Variants in SH3TC2 observed in about 807,000 individuals in gnomAD.
SH3TC2 encodes the protein SH3 domain and tetratricopeptide repeat-containing protein 2.
Under a neutral mutation model 124.5 loss-of-function variants are expected in SH3TC2, and 87 were observed. The ratio of observed to expected loss-of-function variants is 0.70; its 90% CI spans 0.59 to 0.84. The LOEUF (loss-of-function observed/expected upper bound fraction) is 0.84, where lower values mean the gene tolerates loss of function less well. Ranked by LOEUF, SH3TC2 falls within the 40% of genes least tolerant of loss-of-function variation. SH3TC2 has a pLI of 0.00. For synonymous variants in SH3TC2, 634 were observed against 628.5 expected, an observed-to-expected ratio of 1.01 and a Z score of -0.13; for missense variants, 1,536 against 1,566.4, an observed-to-expected ratio of 0.98 and a Z score of 0.33.
rs200228716 is a variant in SH3TC2 at position 149,006,981 on chromosome 5, G to T, written c.3575C>A (p.Thr1192Asn). 2.5e-6 allele frequency: 4 copies of T among 1,614,154 alleles called. No homozygotes were observed. Among genetic ancestry groups the T allele is most frequent in the Middle Eastern group, 3.3e-4 (2 of 6,062 alleles). The change falls in exon 16 of 17, where the codon ACC becomes AAC. Residue 1192 changes from threonine (T) to asparagine (N), a missense_variant. Physicochemically the swap from Thr to Asn is moderately conservative, Grantham distance 65. This residue lies in a region of SH3TC2 where 426 missense variants were observed against 443.5 expected (regional missense o/e 0.96). Coordinates refer to ENST00000515425, the MANE Select transcript of SH3TC2 (RefSeq NM_024577.4). ...YEMAEDCYLKTLSLCPPWLQS... is the reference protein window; with the variant it reads ...YEMAEDCYLKNLSLCPPWLQS... ...CAGCCATGGTGGACAGAGGGACAGG[G>T]TCTTCAGGTAGCAGTCCTCAGCCAT...
chr5:149,044,677 AAGTGTCCCATTAGCAAGCTCTTATAT>A (rs754612028), intron 3 of SH3TC2, 39 bp from the exon 4 acceptor site: 92 of 1,513,218 alleles, frequency 6.1e-5, no homozygotes, highest in Non-Finnish European at 7.9e-5. Flanking sequence ...GGGATGACAG[AAGTGTCCCATTAGCAAGCTCTTATAT>A]AGACCAAATA....
chr5:149,045,224 AT>A (rs2127401633), intron 3 of SH3TC2: 1 of 152,776 alleles, frequency 6.5e-6, no homozygotes, highest in South Asian at 2.1e-4. Context: ...TATTTCACAT[AT>A]ATAGAATCAC....
chr5:149,055,848 G>A (rs534160667), intron 1 of SH3TC2, among the ~76,000 whole-genome samples: 7 of 152,252 alleles, frequency 4.6e-5, no homozygotes, highest in Admixed American at 6.5e-5. Flanking sequence ...TTGGGAGGCC[G>A]AGTCTAGAGG....
At chr5:149,047,780 G>T in intron 3 of SH3TC2, 82 bp downstream of exon 3, 1 of 1,579,330 alleles carries the variant, frequency 6.3e-7, no homozygotes, top group Non-Finnish European at 8.7e-7. Flanking sequence ...CTTTGTTCCA[G>T]ATGCTGTCTT....
At chr5:149,018,037 T>C (rs1753904301) in intron 12 of SH3TC2, among the ~76,000 whole-genome samples, 1 of 152,246 alleles carries the variant, frequency 6.6e-6, no homozygotes, top group African/African-American at 2.4e-5. Context: ...TATGATTCTT[T>C]ATTTGAAAAG....
chr5:149,055,821 C>A (rs1754636808), intron 1 of SH3TC2, among the ~76,000 whole-genome samples: 2 of 152,148 alleles, frequency 1.3e-5, no homozygotes, highest in Non-Finnish European at 2.9e-5. Context: ...GTGGCACATG[C>A]CTGCAATCTC....
rs1208053004 is a variant in SH3TC2, at chr5:148,988,392, T to C, written c.*16319A>G. Reference sequence around the variant, plus strand: ...ATCCCCTCCTATACCAGCTCTAGGCTGGCTTTGTATAACCAATAAAATATA... The same window carrying C: ...ATCCCCTCCTATACCAGCTCTAGGCCGGCTTTGTATAACCAATAAAATATA... On this transcript the variant is annotated 3_prime_UTR_variant, in exon 17 of 17. Coordinates refer to ENST00000515425, the MANE Select transcript of SH3TC2 (RefSeq NM_024577.4). Among the ~76,000 whole-genome samples, 3 of 152,216 alleles carry C rather than the reference T, an allele frequency of 2.0e-5. No individual in the cohort carries two copies. The highest frequency in any genetic ancestry group is 1.3e-4 in the Admixed American group (2 of 15,288).
chr5:149,015,425 C>T (rs1002563952), intron 12 of SH3TC2, among the ~76,000 whole-genome samples: 1 of 152,172 alleles, frequency 6.6e-6, no homozygotes, highest in African/African-American at 2.4e-5. Flanking sequence ...TTCCTCCAGC[C>T]GCCACCCACA....
chr5:148,982,656 T>C lies in SH3TC2; in HGVS notation c.*22055A>G, dbSNP rs886224543. On this transcript the variant is annotated 3_prime_UTR_variant, in exon 17 of 17. Coordinates refer to ENST00000515425, the MANE Select transcript of SH3TC2 (RefSeq NM_024577.4). ...AAGGTACAAAGCAGAGTGTATAGTA[T>C]GCTATAATATTTAAAATGGCGGGAG... is the stretch of plus-strand genomic sequence containing the variant. Among the ~76,000 whole-genome samples, 7 of 152,204 alleles carry C rather than the reference T, an allele frequency of 4.6e-5. No homozygotes were observed. The highest frequency in any genetic ancestry group is 1.7e-4 in the African/African-American group (7 of 41,446).
chr5:149,022,380 A>T (rs919520027), intron 12 of SH3TC2, among the ~76,000 whole-genome samples: 4 of 152,224 alleles, frequency 2.6e-5, no homozygotes, highest in Non-Finnish European at 4.4e-5. Flanking sequence ...TAAAAAAAAG[A>T]CAGACACTAA....
Position 149,027,090 on chromosome 5 carries a change from T to A in SH3TC2, c.2642A>T (p.Asn881Ile), listed in dbSNP as rs80338930. The part of the protein sequence containing the change: ...DVHNQAVAMA[N>I]LGHLSLKSWA... ...GGACTTAAGGCTCAGGTGGCCAAGA[T>A]TGGCCATAGCCACTGCCTGGTTATG... Residue 881 changes from asparagine (N) to isoleucine (I), a missense_variant, in exon 11 of 17, where the codon AAT becomes ATT. Asn to Ile is a moderately radical substitution (Grantham distance 149). Transcript: ENST00000515425. The A allele has an allele frequency of 1.2e-6, 2 of 1,614,150 alleles. No homozygotes were observed. The highest frequency in any genetic ancestry group is 1.7e-6 in the Non-Finnish European group (2 of 1,180,016).
chr5:149,013,683 GA>G (rs1336879143), intron 12 of SH3TC2, among the ~76,000 whole-genome samples: 3 of 152,106 alleles, frequency 2.0e-5, no homozygotes, highest in African/African-American at 7.2e-5. Flanking sequence ...GTATTTTGTA[GA>G]AAACTCTCCC....
rs116547348 is a variant in SH3TC2, at chr5:149,006,719, C to T, written c.3675+162G>A. On this transcript the variant is annotated intron_variant, in intron 16 of 16. Transcript: ENST00000515425. ...AGCAGGGTTAAGTGGAAAGAGCTTC[C>T]ATGTCCCCTGTAAAGCCACTCCTCA... Among the ~76,000 whole-genome samples, 346 of 152,238 alleles carry T rather than the reference C, an allele frequency of 2.3e-3. 5 individuals are homozygous for T. The highest frequency in any genetic ancestry group is 7.9e-3 in the African/African-American group (330 of 41,552).
rs1753477979 is a variant in SH3TC2, at chr5:148,994,697, A to AGGAAGGAT, written c.*10013_*10014insATCCTTCC. On this transcript the variant is annotated 3_prime_UTR_variant, in exon 17 of 17. Coordinates refer to ENST00000515425, the MANE Select transcript of SH3TC2 (RefSeq NM_024577.4). ...TTGGATAAATGAATGGATGGATGGA[A>AGGAAGGAT]GGATGGATGGATGGATGGATGGATG... 2.1e-5 allele frequency among the ~76,000 whole-genome samples: 3 copies of AGGAAGGAT among 144,736 alleles called. No individual in the cohort carries two copies. The highest frequency in any genetic ancestry group is 3.0e-5 in the Non-Finnish European group (2 of 66,164). 95.0% of individuals were successfully genotyped at this position (144,736 alleles called of 152,430 possible). A position where few individuals can be genotyped will look rare whatever the true frequency, so the allele number is the denominator to read the frequency against.
intron 12 of SH3TC2, among the ~76,000 whole-genome samples, chr5:149,023,855 T>C (rs1031205757): frequency 6.6e-6 from 1 of 152,170 alleles, no homozygotes; most frequent in African/African-American, 2.4e-5. Flanking sequence ...TAAAAAGGTG[T>C]AATGCTTTTT....
intron 12 of SH3TC2, among the ~76,000 whole-genome samples, chr5:149,021,884 C>CCAGAAATTGAAGAGGAAGGAATA (rs1355286432): frequency 6.1e-5 from 2 of 32,860 alleles, no homozygotes; most frequent in African/African-American, 1.4e-4. Context: ...CAAACTCTTT[C>CCAGAAATTGAAGAGGAAGGAATA]TTTTTTTTTT....
In SH3TC2 at chr5:149,028,487, C is replaced by A; in HGVS notation, c.1245G>T (p.Gly415=). ...GRAWEEHQAV[G]SRQSSSSEDS... is the part of the protein sequence containing the mutation. ...CCTCAGAGCTGCTGGACTGTCTGGACCCCACGGCCTGATGCTCCTCCCAGG... is the reference window on the plus strand; with the variant it reads ...CCTCAGAGCTGCTGGACTGTCTGGAACCCACGGCCTGATGCTCCTCCCAGG... The change falls in exon 11 of 17, where the codon GGG becomes GGT. Residue 415 remains glycine (G), a synonymous_variant. Transcript: ENST00000515425. 1.9e-6 allele frequency: 3 copies of A among 1,613,262 alleles called. No individual in the cohort carries two copies. Among genetic ancestry groups the A allele is most frequent in the Non-Finnish European group, 2.5e-6 (3 of 1,179,524 alleles).
At chr5:149,024,108 A>C (rs184390550) in intron 12 of SH3TC2, among the ~76,000 whole-genome samples, 3 of 152,294 alleles carry the variant, frequency 2.0e-5, no homozygotes, top group African/African-American at 7.2e-5. Context: ...ACTAAAGACC[A>C]AAAAGCCTGC....
At chr5:149,018,292 G>A (rs1413713853) in intron 12 of SH3TC2, among the ~76,000 whole-genome samples, 1 of 151,984 alleles carries the variant, frequency 6.6e-6, no homozygotes, top group Non-Finnish European at 1.5e-5. Flanking sequence ...CCGCCCCCAT[G>A]CCCACCAACC....
Sources: gnomAD v4.1 joint callset for allele counts (sites outside exome capture counted in the v4.1 genomes callset) on GRCh38, gnomAD v4.1.1 for gene constraint, gnomAD v4.1.1 regional missense constraint, MANE v1.5 for transcripts, NCBI Gene and HGNC (gene_info 2026-07-23, HGNC 2026-07-21) for gene names.